GMDS: variants seen among roughly 807,000 people sequenced by gnomAD.
The protein encoded by GMDS is GDP-mannose 4,6-dehydratase.
In GMDS, 20 loss-of-function variants were observed where a neutral mutation model predicts 49.9. The ratio of observed to expected loss-of-function variants is 0.40; its 90% CI spans 0.28 to 0.58. The LOEUF (loss-of-function observed/expected upper bound fraction) is 0.58, where lower values mean the gene tolerates loss of function less well. GMDS is among the 20% of genes least tolerant of loss of function. GMDS has a pLI of 0.42. For missense variants in GMDS, 362 were observed against 481.4 expected, an observed-to-expected ratio of 0.75 and a Z score of 2.32; for synonymous variants, 177 against 178.6, an observed-to-expected ratio of 0.99 and a Z score of 0.07.
At chr6:1,832,112 TG>T (rs1184366140) in intron 7 of GMDS, among the ~76,000 whole-genome samples, 1 of 151,826 alleles carries the variant, frequency 6.6e-6, no homozygotes. Context: ...CCTAGCACTC[TG>T]GGAGGCCAAG....
Position 1,739,957 on chromosome 6 carries a change from G to C in GMDS, c.890+2511C>G, listed in dbSNP as rs1561771108. ...CTATGCTTAAGCCTTTATTAGCATA[G>C]ATACTTCACACATTTAAAAAATAAT... is the stretch of plus-strand genomic sequence containing the variant. On this transcript the variant is annotated intron_variant, in intron 8 of 10. Transcript: ENST00000380815. Among the ~76,000 whole-genome samples, 3 of 152,152 alleles carry C rather than the reference G, an allele frequency of 2.0e-5. No homozygotes were observed. The South Asian group carries it at 6.2e-4, about 31-fold the overall frequency.
intron 6 of GMDS, among the ~76,000 whole-genome samples, chr6:1,940,562 T>C (rs1762774631): frequency 1.3e-5 from 2 of 152,186 alleles, no homozygotes; most frequent in African/African-American, 2.4e-5. Flanking sequence ...AGAGAGATCA[T>C]ACCTCATTTG....
At chr6:1,964,204 T>A (rs1278913763) in intron 4 of GMDS, among the ~76,000 whole-genome samples, 1 of 152,202 alleles carries the variant, frequency 6.6e-6, no homozygotes, top group Non-Finnish European at 1.5e-5. Flanking sequence ...GTACTCAAAA[T>A]ATTTTTAGGT....
chr6:2,077,713 T>C (rs530070703), intron 4 of GMDS, among the ~76,000 whole-genome samples: 32 of 152,294 alleles, frequency 2.1e-4, no homozygotes, highest in African/African-American at 7.5e-4. Flanking sequence ...TTTGAATCCA[T>C]ATTCATCAAG....
intron 4 of GMDS, among the ~76,000 whole-genome samples, chr6:2,000,863 C>T (rs975783318): frequency 3.3e-5 from 5 of 152,200 alleles, no homozygotes; most frequent in Non-Finnish European, 7.3e-5. Context: ...CCTTTGTATA[C>T]CCAATGTATA....
chr6:2,103,624 T>C lies in GMDS; in HGVS notation c.345+12147A>G, dbSNP rs1774051221. On this transcript the variant is annotated intron_variant, in intron 4 of 10. Coordinates refer to ENST00000380815, the MANE Select transcript of GMDS (RefSeq NM_001500.4). ...TTAAGGACATGTTACAAATTGCTTT[T>C]CTACAACTCACTTCCGAATCTCAGT... Among the ~76,000 whole-genome samples, 5 of 152,328 alleles carry C rather than the reference T, an allele frequency of 3.3e-5. No homozygotes were observed. The South Asian group carries it at 1.0e-3, about 32-fold the overall frequency.
chr6:2,204,503 G>A (rs1394095900), intron 1 of GMDS, among the ~76,000 whole-genome samples: 1 of 152,184 alleles, frequency 6.6e-6, no homozygotes, highest in Admixed American at 6.5e-5. Context: ...GCATTTACAA[G>A]CTCACCTTCC....
chr6:1,834,652 A>T (rs1756839978), intron 7 of GMDS, among the ~76,000 whole-genome samples: 1 of 152,230 alleles, frequency 6.6e-6, no homozygotes, highest in Non-Finnish European at 1.5e-5. Context: ...CTTATTAAAC[A>T]ATTTCCTATT....
chr6:1,750,438 C>A (rs558132943), intron 7 of GMDS, among the ~76,000 whole-genome samples: 5 of 152,176 alleles, frequency 3.3e-5, no homozygotes, highest in Non-Finnish European at 7.4e-5. Context: ...GAGGGTGAGC[C>A]GAAGCAGGGT....
At chr6:1,838,174 C>A (rs977813084) in intron 7 of GMDS, among the ~76,000 whole-genome samples, 2 of 152,190 alleles carry the variant, frequency 1.3e-5, no homozygotes, top group Non-Finnish European at 2.9e-5. Flanking sequence ...CAACTCAGCT[C>A]CTACAACATC....
chr6:2,135,742 G>A (rs1775963749), intron 1 of GMDS, among the ~76,000 whole-genome samples: 1 of 151,916 alleles, frequency 6.6e-6, no homozygotes, highest in Non-Finnish European at 1.5e-5. Flanking sequence ...TAATTTTCCA[G>A]TAGCCAAATT....
chr6:1,828,952 G>T (rs57042586), intron 7 of GMDS, among the ~76,000 whole-genome samples: 2,462 of 152,236 alleles, frequency 0.016, 66 homozygotes, highest in African/African-American at 0.055. Flanking sequence ...CTGATACCAA[G>T]AATTGTTGAT....
chr6:2,130,413 C>T (rs1165193200), intron 1 of GMDS, among the ~76,000 whole-genome samples: 1 of 152,176 alleles, frequency 6.6e-6, no homozygotes, highest in Non-Finnish European at 1.5e-5. Context: ...GATCAATAAC[C>T]TCTGAATAAT....
chr6:2,068,168 A>G (rs1771740826), intron 4 of GMDS, among the ~76,000 whole-genome samples: 1 of 151,960 alleles, frequency 6.6e-6, no homozygotes, highest in African/African-American at 2.4e-5. Flanking sequence ...CAAAAACCAC[A>G]TGATTATCTC....
intron 9 of GMDS, among the ~76,000 whole-genome samples, chr6:1,652,477 A>AT (rs70989193): frequency 4.4e-4 from 4 of 9,052 alleles, no homozygotes; most frequent in Non-Finnish European, 6.0e-4. Flanking sequence ...TATTATATAT[A>AT]TTATATATAA....
intron 1 of GMDS, among the ~76,000 whole-genome samples, chr6:2,179,329 T>C (rs1487395302): frequency 6.6e-6 from 1 of 152,140 alleles, no homozygotes; most frequent in African/African-American, 2.4e-5. Context: ...GGGTTCTCCA[T>C]TTTGAAATTA....
intron 4 of GMDS, among the ~76,000 whole-genome samples, chr6:2,075,873 A>G (rs375593282): frequency 9.2e-5 from 14 of 152,258 alleles, no homozygotes; most frequent in South Asian, 2.1e-4. Flanking sequence ...AGTCCCACCA[A>G]CAGTGTAAAA....
rs552396596 is a variant in GMDS, at chr6:2,091,622, G to A, written c.345+24149C>T. On this transcript the variant is annotated intron_variant, in intron 4 of 10. Coordinates refer to ENST00000380815, the MANE Select transcript of GMDS (RefSeq NM_001500.4). Reference sequence around the variant, plus strand: ...GGATAAAGACAAGTGGGATGTGCTTGGCAGATAAGAATCAGGAGGCTGGCA... The same window carrying A: ...GGATAAAGACAAGTGGGATGTGCTTAGCAGATAAGAATCAGGAGGCTGGCA... 3.3e-5 allele frequency among the ~76,000 whole-genome samples: 5 copies of A among 152,318 alleles called. No individual in the cohort carries two copies. In the East Asian group the frequency reaches 9.6e-4, roughly 29 times the overall value.
intron 9 of GMDS, among the ~76,000 whole-genome samples, chr6:1,646,278 C>A (rs1472584533): frequency 2.0e-5 from 3 of 152,332 alleles, no homozygotes; most frequent in Non-Finnish European, 4.4e-5. Flanking sequence ...AGGATGACAG[C>A]ATCCTCCCGC....
Sources: allele counts gnomAD v4.1 joint callset (sites outside exome capture counted in the v4.1 genomes callset), GRCh38; gene constraint gnomAD v4.1.1; transcripts MANE v1.5; gene names NCBI Gene and HGNC (gene_info 2026-07-23, HGNC 2026-07-21).